The following SYNE3 variants were observed in gnomAD, a reference collection of about 807,000 sequenced individuals.
SYNE3 encodes nesprin-3.
In SYNE3, 100 loss-of-function variants were observed where a neutral mutation model predicts 111.2. That is an observed-to-expected ratio of 0.90 (90% CI 0.77 to 1.06). The LOEUF (loss-of-function observed/expected upper bound fraction) is 1.06. Among genes scored for constraint, SYNE3 ranks in the 50% least tolerant of loss-of-function variants. The pLI is 0.00. For synonymous variants in SYNE3, 547 were observed against 533.9 expected, an observed-to-expected ratio of 1.02 and a Z score of -0.34; for missense variants, 1,160 against 1,240.3, an observed-to-expected ratio of 0.94 and a Z score of 0.97.
intron 11 of SYNE3, 92 bp downstream of exon 11, chr14:95,443,063 G>A: frequency 6.7e-7 from 1 of 1,488,680 alleles, no homozygotes. Flanking sequence ...TAGAAGGAAT[G>A]AAGGCAGGAA....
chr14:95,490,250 T>C (rs1215436657), intron 1 of SYNE3, among the ~76,000 whole-genome samples: 2 of 152,238 alleles, frequency 1.3e-5, no homozygotes, highest in East Asian at 3.8e-4. Flanking sequence ...AGGCTAATTA[T>C]ACCATATTTC....
In SYNE3 at chr14:95,455,725, C is replaced by G; in HGVS notation, c.790-1G>C. 1 of 1,613,828 alleles carries G rather than the reference C, an allele frequency of 6.2e-7. No homozygotes were observed. Among genetic ancestry groups the G allele is most frequent in the South Asian group, 1.1e-5 (1 of 91,084 alleles). On this transcript the variant is annotated splice_acceptor_variant, in intron 5 of 17. Coordinates refer to ENST00000682763, the MANE Select transcript of SYNE3 (RefSeq NM_152592.6). LOFTEE classifies it high-confidence loss of function. ...CCCTGGGAAAATCTTTGGCAATGTCCTGAAGAGGGTAGAGGGGTGAGGGAA... is the reference window on the plus strand; with the variant it reads ...CCCTGGGAAAATCTTTGGCAATGTCGTGAAGAGGGTAGAGGGGTGAGGGAA...
At chr14:95,511,632 T>A (rs1199465582) in intron 1 of SYNE3, among the ~76,000 whole-genome samples, 2 of 152,218 alleles carry the variant, frequency 1.3e-5, no homozygotes, top group Non-Finnish European at 1.5e-5. Context: ...GGAGAACTGC[T>A]TGAACCCGGG....
chr14:95,468,348 G>A (rs1309585962), intron 2 of SYNE3, among the ~76,000 whole-genome samples: 1 of 152,194 alleles, frequency 6.6e-6, no homozygotes, highest in Non-Finnish European at 1.5e-5. Flanking sequence ...ATGAGAAAAT[G>A]CATGTGAGGT....
chr14:95,413,025 A>T lies in SYNE3; in HGVS notation c.*4801T>A, dbSNP rs899127158. ...ATAAATCCTATGGAAAGAAAAACTC[A>T]AGTTGTTCCCTCGTATTGTTTCACT... On this transcript the variant is annotated 3_prime_UTR_variant, in exon 18 of 18. Coordinates refer to ENST00000682763, the MANE Select transcript of SYNE3 (RefSeq NM_152592.6). 1.3e-5 allele frequency: 2 copies of T among 152,158 alleles called. No homozygotes were observed. Among genetic ancestry groups the T allele is most frequent in the African/African-American group, 4.8e-5 (2 of 41,418 alleles). 9.4% of individuals were successfully genotyped at this position (152,158 alleles called of 1,614,324 possible). A position where few individuals can be genotyped will look rare whatever the true frequency, so the allele number is the denominator to read the frequency against.
chr14:95,446,855 C>T (rs1345976137), intron 8 of SYNE3, among the ~76,000 whole-genome samples: 1 of 152,208 alleles, frequency 6.6e-6, no homozygotes, highest in African/African-American at 2.4e-5. Flanking sequence ...CTTCTTGCCC[C>T]CAAAGCCCTG....
chr14:95,469,886 C>T (rs986249374), intron 2 of SYNE3, among the ~76,000 whole-genome samples: 6 of 127,464 alleles, frequency 4.7e-5, no homozygotes, highest in Admixed American at 7.8e-5. Context: ...TTGATGATGA[C>T]GATGATGATG....
At chr14:95,482,104 T>C (rs951295689) in intron 1 of SYNE3, among the ~76,000 whole-genome samples, 1 of 152,232 alleles carries the variant, frequency 6.6e-6, no homozygotes, top group African/African-American at 2.4e-5. Context: ...TTCTTACCTC[T>C]GTCTCAATCC....
At chr14:95,422,708 G>A (rs1266293159) in intron 17 of SYNE3, among the ~76,000 whole-genome samples, 1 of 152,152 alleles carries the variant, frequency 6.6e-6, no homozygotes, top group Non-Finnish European at 1.5e-5. Flanking sequence ...GTGGGAGGAG[G>A]CCCACTGAGC....
intron 1 of SYNE3, among the ~76,000 whole-genome samples, chr14:95,498,900 T>C (rs1170058040): frequency 1.3e-5 from 2 of 152,020 alleles, no homozygotes; most frequent in Admixed American, 1.3e-4. Context: ...CATGCTTTAC[T>C]TTCCAGCTAA....
intron 17 of SYNE3, among the ~76,000 whole-genome samples, chr14:95,424,287 G>A (rs1885317258): frequency 6.6e-6 from 1 of 151,910 alleles, no homozygotes; most frequent in African/African-American, 2.4e-5. Context: ...GAGATGCCAG[G>A]GAGAGCCACC....
intron 4 of SYNE3, among the ~76,000 whole-genome samples, chr14:95,458,706 GT>G (rs1231830281): frequency 1.3e-5 from 2 of 152,232 alleles, no homozygotes; most frequent in Non-Finnish European, 2.9e-5. Flanking sequence ...GATCCAGGAG[GT>G]TCCTAGAAAC....
intron 17 of SYNE3, among the ~76,000 whole-genome samples, chr14:95,431,368 G>T (rs1885751694): frequency 1.3e-5 from 2 of 152,152 alleles, no homozygotes; most frequent in Non-Finnish European, 2.9e-5. Context: ...TCCTCGCGCT[G>T]AAAGTTGAGA....
chr14:95,433,884 G>A (rs1030935555), intron 15 of SYNE3, among the ~76,000 whole-genome samples: 5 of 152,118 alleles, frequency 3.3e-5, no homozygotes, highest in South Asian at 2.1e-4. Flanking sequence ...CAGTAGGAGC[G>A]GGGCTATAAA....
At chr14:95,439,209 C>G in intron 13 of SYNE3, 47 bp from the exon 14 acceptor site, 1 of 1,608,496 alleles carries the variant, frequency 6.2e-7, no homozygotes, top group Non-Finnish European at 8.5e-7. Flanking sequence ...GTGGTGGGGA[C>G]CCACCAGGAC....
At chr14:95,445,620 A>C (rs575225393) in intron 9 of SYNE3, among the ~76,000 whole-genome samples, 6 of 152,282 alleles carry the variant, frequency 3.9e-5, no homozygotes, top group African/African-American at 1.4e-4. Context: ...CCCTCCTGTC[A>C]CTCTCTGCAG....
intron 1 of SYNE3, among the ~76,000 whole-genome samples, chr14:95,481,396 G>A (rs1889243102): frequency 6.6e-6 from 1 of 152,164 alleles, no homozygotes; most frequent in Non-Finnish European, 1.5e-5. Context: ...ATGAGGAGGA[G>A]GAGCTGAGAA....
intron 17 of SYNE3, among the ~76,000 whole-genome samples, chr14:95,428,721 C>A (rs1043176882): frequency 2.0e-5 from 3 of 152,214 alleles, no homozygotes; most frequent in African/African-American, 7.2e-5. Flanking sequence ...AAAAGCAATG[C>A]CATTTCACGT....
chr14:95,460,656 C>T (rs753319814), intron 4 of SYNE3, among the ~76,000 whole-genome samples: 1 of 152,196 alleles, frequency 6.6e-6, no homozygotes, highest in African/African-American at 2.4e-5. Flanking sequence ...TCATGCTTCC[C>T]GCCTGCAGCC....
Sources: gnomAD v4.1 joint callset for allele counts (sites outside exome capture counted in the v4.1 genomes callset) on GRCh38, gnomAD v4.1.1 for gene constraint, MANE v1.5 for transcripts, NCBI Gene and HGNC (gene_info 2026-07-23, HGNC 2026-07-21) for gene names.